The following PTGR3 variants were observed in gnomAD, a reference collection of about 807,000 sequenced individuals.
PTGR3 encodes zinc binding alcohol dehydrogenase domain containing 2.
At chr18:75,202,401 T>C in the PTGR3 span, 1 of 1,510,460 alleles carries the variant, frequency 6.6e-7, no homozygotes, top group South Asian at 1.3e-5. Context: ...ATTTAGATTC[T>C]GCTTAGAGAA....
chr18:75,208,828 G>T, the PTGR3 span: 176 of 1,469,782 alleles, frequency 1.2e-4, 2 homozygotes, highest in Middle Eastern at 1.7e-3. Flanking sequence ...GGGGGCGTGG[G>T]GTTGGGGGGC....
the PTGR3 span, chr18:75,197,654 T>G: frequency 6.6e-6 from 1 of 152,242 alleles, no homozygotes; most frequent in East Asian, 1.9e-4. Context: ...AATATGATCA[T>G]AAATGTTTAA....
the PTGR3 span, chr18:75,198,178 C>T: frequency 6.6e-6 from 1 of 152,168 alleles, no homozygotes; most frequent in South Asian, 2.1e-4. Flanking sequence ...AGCCAAAAAC[C>T]AGGTCCCTAA....
the PTGR3 span, chr18:75,208,394 G>T: frequency 2.0e-6 from 2 of 988,200 alleles, no homozygotes; most frequent in Non-Finnish European, 2.4e-6. Flanking sequence ...CCGGGTCCCA[G>T]CCTCCTTCCT....
the PTGR3 span, chr18:75,195,202 A>G: frequency 6.6e-6 from 1 of 152,248 alleles, no homozygotes; most frequent in Non-Finnish European, 1.5e-5. Context: ...ATATTAAGCC[A>G]TTAATTCCAT....
chr18:75,208,996 G>T, the PTGR3 span: 4 of 1,592,590 alleles, frequency 2.5e-6, no homozygotes, highest in South Asian at 4.5e-5. Context: ...GGAAGTCCAG[G>T]AAGTGGCGGG....
chr18:75,205,216 G>A, the PTGR3 span: 4 of 985,458 alleles, frequency 4.1e-6, no homozygotes, highest in Non-Finnish European at 4.8e-6. Context: ...TCCGCAGCTC[G>A]CGCCTTCCGC....
At chr18:75,202,233 G>A in the PTGR3 span, 1 of 1,614,138 alleles carries the variant, frequency 6.2e-7, no homozygotes, top group Non-Finnish European at 8.5e-7. Context: ...GAGGCCTAGG[G>A]CCACCACCTC....
the PTGR3 span, chr18:75,208,966 T>G: frequency 4.4e-6 from 7 of 1,595,502 alleles, no homozygotes; most frequent in South Asian, 7.9e-5. Context: ...TCTGCATGGC[T>G]TGGGGAATGG....
the PTGR3 span, chr18:75,202,105 C>A: frequency 2.5e-6 from 4 of 1,614,086 alleles, no homozygotes; most frequent in East Asian, 6.7e-5. Flanking sequence ...GTAAGATACT[C>A]GGGTTTCACT....
chr18:75,201,905 A>G, the PTGR3 span: 9 of 1,614,186 alleles, frequency 5.6e-6, no homozygotes, highest in Non-Finnish European at 7.6e-6. Context: ...CACAGCCAAG[A>G]GATTTCAGAA....
At chr18:75,205,075 G>T in the PTGR3 span, 1 of 866,122 alleles carries the variant, frequency 1.2e-6, no homozygotes, top group African/African-American at 1.8e-5. Context: ...CTGTCTCCTT[G>T]GTCTCCCTGC....
chr18:75,197,772 TAATAA>T, the PTGR3 span: 2 of 152,222 alleles, frequency 1.3e-5, no homozygotes, highest in Non-Finnish European at 2.9e-5. Context: ...ATAAAATATT[TAATAA>T]AATGAAAGTA....
At chr18:75,197,976 C>T in the PTGR3 span, 1 of 152,008 alleles carries the variant, frequency 6.6e-6, no homozygotes, top group Non-Finnish European at 1.5e-5. Context: ...AGTATTTATC[C>T]CATATGTCCA....
At chr18:75,208,383 G>A in the PTGR3 span, 1 of 988,090 alleles carries the variant, frequency 1.0e-6, no homozygotes, top group Non-Finnish European at 1.2e-6. Context: ...GGGAAAGCCA[G>A]CCGGGTCCCA....
At chr18:75,208,301 G>A in the PTGR3 span, 3 of 980,884 alleles carry the variant, frequency 3.1e-6, no homozygotes, top group Non-Finnish European at 3.6e-6. Context: ...AGACAACACC[G>A]GCGAGGTGCA....
the PTGR3 span, chr18:75,201,993 C>A: frequency 2.2e-5 from 36 of 1,614,088 alleles, no homozygotes; most frequent in South Asian, 3.3e-4. Context: ...GGCAAACTGG[C>A]CCGTTCCCCC....
At chr18:75,196,688 T>C in the PTGR3 span, 1 of 131,596 alleles carries the variant, frequency 7.6e-6, no homozygotes, top group African/African-American at 2.9e-5. Context: ...CTTCTCAACA[T>C]ACATGAAGAC....
chr18:75,202,243 C>A, the PTGR3 span: 3 of 1,614,174 alleles, frequency 1.9e-6, no homozygotes, highest in South Asian at 2.2e-5. Context: ...GCCACCACCT[C>A]CCCAATGCCT....
Sources: gnomAD v4.1 joint callset for allele counts on GRCh38, gnomAD v4.1.1 for gene constraint, MANE v1.5 for transcripts, NCBI Gene and HGNC (gene_info 2026-07-23, HGNC 2026-07-21) for gene names.